The following CEP112 variants were observed in gnomAD, a reference collection of about 807,000 sequenced individuals.
CEP112 encodes centrosomal protein of 112 kDa.
CEP112 carries 127 observed loss-of-function variants against 153.0 expected under a neutral mutation model. The observed-to-expected ratio is 0.83, with a 90% confidence interval of 0.72 to 0.96. CEP112 has a LOEUF of 0.96. Ranked by LOEUF, CEP112 falls within the 40% of genes least tolerant of loss-of-function variation. CEP112 has a pLI of 0.00. For synonymous variants in CEP112, 358 were observed against 374.4 expected (o/e 0.96, Z 0.51); for missense variants, 1,089 against 1,101.2 (o/e 0.99, Z 0.16).
At chr17:66,147,060 C>T (rs924919406) in intron 4 of CEP112, among the ~76,000 whole-genome samples, 6 of 152,060 alleles carry the variant, frequency 3.9e-5, no homozygotes, top group Non-Finnish European at 7.4e-5. Context: ...TAATGTAATT[C>T]TATTTTTAAT....
chr17:65,940,610 A>G (rs11079603), intron 18 of CEP112, among the ~76,000 whole-genome samples: 62,701 of 151,992 alleles, frequency 0.41, 14,288 homozygotes, highest in East Asian at 0.85. Flanking sequence ...CCTGGAGGAC[A>G]TTGTGTTAAG....
chr17:65,825,641 T>C (rs971453130), intron 21 of CEP112, among the ~76,000 whole-genome samples: 1 of 152,148 alleles, frequency 6.6e-6, no homozygotes, highest in African/African-American at 2.4e-5. Context: ...ACAATTTAAA[T>C]GTACTTAACA....
At chr17:66,189,639 C>T (rs560933011) in intron 1 of CEP112, among the ~76,000 whole-genome samples, 3 of 151,918 alleles carry the variant, frequency 2.0e-5, no homozygotes, top group African/African-American at 7.3e-5. Context: ...AAATCTGCTT[C>T]TTCTTATCCC....
chr17:66,065,819 C>T (rs1300177170), intron 10 of CEP112, among the ~76,000 whole-genome samples: 1 of 151,854 alleles, frequency 6.6e-6, no homozygotes. Context: ...TTAGTAGAGA[C>T]AGGGTTTCAC....
At chr17:65,672,038 T>C (rs2047010778) in intron 24 of CEP112, among the ~76,000 whole-genome samples, 1 of 152,196 alleles carries the variant, frequency 6.6e-6, no homozygotes, top group African/African-American at 2.4e-5. Context: ...ATTGCCTACT[T>C]AGAAAATTTA....
intron 21 of CEP112, among the ~76,000 whole-genome samples, chr17:65,758,410 G>A (rs536994727): frequency 1.3e-5 from 2 of 152,074 alleles, no homozygotes; most frequent in Non-Finnish European, 2.9e-5. Context: ...ATTAGAAAGG[G>A]GGAAAAATAC....
chr17:66,000,047 T>C (rs2063955459), intron 17 of CEP112, among the ~76,000 whole-genome samples: 1 of 152,208 alleles, frequency 6.6e-6, no homozygotes, highest in South Asian at 2.1e-4. Context: ...GCATGTGTCT[T>C]TATAATAGAA....
At position 65,865,848 on chromosome 17, in the gene CEP112, G is replaced by T. The variant is rs143798455; in HGVS notation, c.2164-13814C>A. Among the ~76,000 whole-genome samples the T allele has an allele frequency of 1.7e-3, 266 of 152,334 alleles. 1 individual carries two copies. Among genetic ancestry groups the T allele is most frequent in the Non-Finnish European group, 3.2e-3 (219 of 68,018 alleles). ...TGGGGTCCGGCCGCGTCACCTGACA[G>T]TGGCGGAGCAGCACGGTTGGGCACA... On this transcript the variant is annotated intron_variant, in intron 20 of 26. Transcript: ENST00000535342.
At chr17:65,989,222 G>A (rs1482308945) in intron 17 of CEP112, among the ~76,000 whole-genome samples, 1 of 132,186 alleles carries the variant, frequency 7.6e-6, no homozygotes, top group Non-Finnish European at 1.6e-5. Context: ...GAGACAGAGT[G>A]AGACTCCATC....
Position 65,650,740 on chromosome 17 carries a change from A to AAAT in CEP112, c.2698-9676_2698-9675insATT, listed in dbSNP as rs1567810653. On this transcript the variant is annotated intron_variant, in intron 24 of 26. Transcript: ENST00000535342. ...GTGAAAACTCTCTACTAAAAAAAAA[A>AAAT]AAAAAAAAAAAAAAAAATTAGCTGG... is the stretch of plus-strand genomic sequence containing the variant. Among the ~76,000 whole-genome samples the AAAT allele has an allele frequency of 5.7e-4, 86 of 149,720 alleles. 1 individual carries two copies. The highest frequency in any genetic ancestry group is 2.0e-3 in the African/African-American group (81 of 40,454).
intron 11 of CEP112, among the ~76,000 whole-genome samples, chr17:66,054,325 C>T (rs1283649452): frequency 1.3e-5 from 2 of 152,150 alleles, no homozygotes; most frequent in East Asian, 3.9e-4. Flanking sequence ...GCTTTCTCCC[C>T]TACCTGCACC....
At chr17:65,786,511 T>C (rs957794451) in intron 21 of CEP112, among the ~76,000 whole-genome samples, 2 of 152,054 alleles carry the variant, frequency 1.3e-5, no homozygotes, top group Admixed American at 6.6e-5. Context: ...CAGTTCTTCA[T>C]GTATTTATGG....
At chr17:65,814,554 G>A (rs189764662) in intron 21 of CEP112, among the ~76,000 whole-genome samples, 8 of 152,314 alleles carry the variant, frequency 5.3e-5, no homozygotes, top group African/African-American at 1.9e-4. Flanking sequence ...TGCAATAAAT[G>A]TTGGCCATTT....
At chr17:66,179,428 GTATTT>G (rs771752297) in intron 2 of CEP112, among the ~76,000 whole-genome samples, 23 of 151,722 alleles carry the variant, frequency 1.5e-4, no homozygotes, top group African/African-American at 5.1e-4. Flanking sequence ...TAATTCCTAG[GTATTT>G]TATTTTATTT....
At chr17:66,163,722 G>A (rs145263242) in intron 4 of CEP112, among the ~76,000 whole-genome samples, 5 of 152,024 alleles carry the variant, frequency 3.3e-5, no homozygotes, top group East Asian at 1.9e-4. Flanking sequence ...TTTAAAAATC[G>A]TACATTTAAA....
chr17:65,824,570 C>T (rs1428020673), intron 21 of CEP112, among the ~76,000 whole-genome samples: 1 of 152,142 alleles, frequency 6.6e-6, no homozygotes, highest in Non-Finnish European at 1.5e-5. Context: ...TAGAGGAATA[C>T]AAGAAAGAGC....
intron 16 of CEP112, among the ~76,000 whole-genome samples, chr17:66,010,244 G>C (rs1260858444): frequency 6.6e-6 from 1 of 152,100 alleles, no homozygotes; most frequent in Non-Finnish European, 1.5e-5. Context: ...CTGCATTCTT[G>C]ATTTGGTTCT....
intron 17 of CEP112, 106 bp downstream of exon 17, chr17:66,005,584 T>C (rs1393755653): frequency 3.0e-6 from 4 of 1,337,722 alleles, no homozygotes; most frequent in East Asian, 2.9e-5. Context: ...AACGAATCCA[T>C]AGCAAAGCTC....
At position 65,753,774 on chromosome 17, in the gene CEP112, C is replaced by T. The variant is rs576857304; in HGVS notation, c.2395-3050G>A. Among the ~76,000 whole-genome samples the T allele has an allele frequency of 7.9e-5, 12 of 152,300 alleles. No individual in the cohort carries two copies. In the East Asian group the frequency reaches 2.3e-3, roughly 29 times the overall value. On this transcript the variant is annotated intron_variant, in intron 21 of 26. Coordinates refer to ENST00000535342, the MANE Select transcript of CEP112 (RefSeq NM_001199165.4). Reference sequence around the variant, plus strand: ...CTGTTCTAAGTGCTTTAAAAATATTCACCCACTAGAAAATCTAAAAATTAA... The same window carrying T: ...CTGTTCTAAGTGCTTTAAAAATATTTACCCACTAGAAAATCTAAAAATTAA...
Sources: allele counts gnomAD v4.1 joint callset (sites outside exome capture counted in the v4.1 genomes callset), GRCh38; gene constraint gnomAD v4.1.1; transcripts MANE v1.5; gene names NCBI Gene and HGNC (gene_info 2026-07-23, HGNC 2026-07-21).